The following ATP6V1C1 variants were observed in gnomAD, a reference collection of about 807,000 sequenced individuals.
ATP6V1C1 encodes the protein ATPase H+ transporting V1 subunit C1, also known as V-type proton ATPase subunit C 1.
ATP6V1C1 carries 45 observed loss-of-function variants against 53.9 expected under a neutral mutation model. That is an observed-to-expected ratio of 0.83 (90% confidence interval 0.66 to 1.07). The LOEUF is 1.07. Ranked by LOEUF, ATP6V1C1 falls within the 50% of genes least tolerant of loss-of-function variation. The pLI, the probability that ATP6V1C1 is intolerant of heterozygous loss-of-function variation, is 0.00. For synonymous variants in ATP6V1C1, 153 were observed against 155.2 expected, an observed-to-expected ratio of 0.99 and a Z score of 0.11; for missense variants, 315 against 440.3, an observed-to-expected ratio of 0.72 and a Z score of 2.55.
chr8:103,046,622 A>T (rs1180160114), intron 3 of ATP6V1C1, among the ~76,000 whole-genome samples: 2 of 152,148 alleles, frequency 1.3e-5, no homozygotes, highest in Admixed American at 6.5e-5. Context: ...TCTTTTCTTC[A>T]TTGTTCGGCA....
In ATP6V1C1 at chr8:103,063,236, T is replaced by G; in HGVS notation, c.828+8T>G. On this transcript the variant is annotated splice_region_variant and intron_variant, in intron 10 of 12. Transcript: ENST00000518738. Reference sequence around the variant, plus strand: ...GATAAGAAAAAACAATTTGTATGTGTTTTTAATATTTAGTATTATCAGTAC... The same window carrying G: ...GATAAGAAAAAACAATTTGTATGTGGTTTTAATATTTAGTATTATCAGTAC... 3 of 1,547,780 alleles carry G rather than the reference T, an allele frequency of 1.9e-6. No individual in the cohort carries two copies. The highest frequency in any genetic ancestry group is 2.7e-6 in the Non-Finnish European group (3 of 1,126,978).
At chr8:103,025,544 T>TTTACATTACTGTAAAACTCCTTTACA (rs1381501809) in intron 1 of ATP6V1C1, among the ~76,000 whole-genome samples, 1 of 152,272 alleles carries the variant, frequency 6.6e-6, no homozygotes, top group Non-Finnish European at 1.5e-5. Flanking sequence ...ATGTAACTCC[T>TTTACATTACTGTAAAACTCCTTTACA]TTAGTGTAAA....
At chr8:103,035,977 G>A (rs1042988173) in intron 1 of ATP6V1C1, among the ~76,000 whole-genome samples, 1 of 152,178 alleles carries the variant, frequency 6.6e-6, no homozygotes, top group Non-Finnish European at 1.5e-5. Flanking sequence ...GATCCTGGAC[G>A]AAGGGAACAA....
At position 103,066,289 on chromosome 8, in the gene ATP6V1C1, T is replaced by G. The variant is rs1817488483; in HGVS notation, c.927-32T>G. ...GAAAATCTCTTTACATGTTTGCTTG[T>G]ATTGCGTACTGTATTTCTGCTTTTT... On this transcript the variant is annotated intron_variant, in intron 11 of 12. Transcript: ENST00000518738. The G allele has an allele frequency of 1.9e-6, 3 of 1,584,566 alleles. No individual in the cohort carries two copies. The African/African-American group carries it at 4.1e-5, about 22-fold the overall frequency.
At chr8:103,028,630 G>A (rs150355688) in intron 1 of ATP6V1C1, among the ~76,000 whole-genome samples, 1 of 152,112 alleles carries the variant, frequency 6.6e-6, no homozygotes, top group Non-Finnish European at 1.5e-5. Context: ...AGAGGATCCT[G>A]GATATTGTAA....
intron 1 of ATP6V1C1, among the ~76,000 whole-genome samples, chr8:103,022,036 A>G (rs914070781): frequency 1.3e-5 from 2 of 152,204 alleles, no homozygotes; most frequent in Non-Finnish European, 2.9e-5. Flanking sequence ...AGTTAGCACT[A>G]ACGTTGGAGA....
Position 103,048,942 on chromosome 8 carries a change from G to T in ATP6V1C1, c.273G>T (p.Leu91=), listed in dbSNP as rs750429466. Residue 91 remains leucine (L), a synonymous_variant, in exon 4 of 13, where the codon CTG becomes CTT. Transcript: ENST00000518738. ...GCAAAGACAAAGTTCAAGAGAATCT[G>T]TTGGCTAATGGAGGTAAGCTAATGC... ...EDSKDKVQEN[L]LANGVDLVTY... 3.7e-6 allele frequency: 6 copies of T among 1,612,876 alleles called. No homozygotes were observed. In the Admixed American group the frequency reaches 8.3e-5, roughly 22 times the overall value.
rs1479902202 is a variant in ATP6V1C1 at position 103,069,891 on chromosome 8, T to C, written c.*1144T>C. 6.6e-6 allele frequency: 1 copy of C among 152,188 alleles called. No homozygotes were observed. The highest frequency in any genetic ancestry group is 1.9e-4 in the East Asian group (1 of 5,206). 9.4% of individuals were successfully genotyped at this position (152,188 alleles called of 1,614,324 possible). The stretch of plus-strand genomic sequence containing the variant: ...TTTTGTTTCAAAATATTATATTATT[T>C]CATAAATAATTTCAAGCAAATACAG... On this transcript the variant is annotated 3_prime_UTR_variant, in exon 13 of 13. Coordinates refer to ENST00000518738, the MANE Select transcript of ATP6V1C1 (RefSeq NM_001695.5).
intron 3 of ATP6V1C1, among the ~76,000 whole-genome samples, chr8:103,047,014 C>T (rs1206755236): frequency 6.6e-6 from 1 of 152,124 alleles, no homozygotes; most frequent in African/African-American, 2.4e-5. Context: ...GTTCTGTTTA[C>T]AAGATGCTTG....
intron 3 of ATP6V1C1, among the ~76,000 whole-genome samples, chr8:103,047,949 G>A (rs1817134248): frequency 6.6e-6 from 1 of 152,140 alleles, no homozygotes; most frequent in Non-Finnish European, 1.5e-5. Flanking sequence ...TTTGTATTTA[G>A]TAATTTATAT....
rs1351327588 is a variant in ATP6V1C1 at position 103,053,146 on chromosome 8, C to A, written c.473+324C>A. On this transcript the variant is annotated intron_variant, in intron 6 of 12. Coordinates refer to ENST00000518738, the MANE Select transcript of ATP6V1C1 (RefSeq NM_001695.5). The stretch of plus-strand genomic sequence containing the variant: ...TTTAAATGAAATCATAGTTTAACTG[C>A]ATAGTAATTACCTATCACTTAACTA... Among the ~76,000 whole-genome samples, 3 of 151,940 alleles carry A rather than the reference C, an allele frequency of 2.0e-5. No individual in the cohort carries two copies. The East Asian group carries it at 5.8e-4, about 29-fold the overall frequency.
intron 3 of ATP6V1C1, among the ~76,000 whole-genome samples, chr8:103,046,511 C>T (rs1443052880): frequency 6.6e-6 from 1 of 152,118 alleles, no homozygotes; most frequent in African/African-American, 2.4e-5. Flanking sequence ...TGTGCCTAGC[C>T]AGCTCAGATT....
In ATP6V1C1 at chr8:103,068,827, T is replaced by C; in HGVS notation, c.*80T>C. On this transcript the variant is annotated 3_prime_UTR_variant, in exon 13 of 13. Transcript: ENST00000518738. ...ATAAGTTGCAGTATGGTCGTACTTT[T>C]AACTCTAGTATCCTTTGCTTGCTTC... 6 of 1,228,282 alleles carry C rather than the reference T, an allele frequency of 4.9e-6. No individual in the cohort carries two copies. Among genetic ancestry groups the C allele is most frequent in the Non-Finnish European group, 5.8e-6 (5 of 866,228 alleles). 76.1% of individuals were successfully genotyped at this position (1,228,282 alleles called of 1,614,324 possible). A position where few individuals can be genotyped will look rare whatever the true frequency, so the allele number is the denominator to read the frequency against.
At chr8:103,060,983 A>T (rs991220923) in intron 8 of ATP6V1C1, among the ~76,000 whole-genome samples, 2 of 152,252 alleles carry the variant, frequency 1.3e-5, no homozygotes, top group African/African-American at 4.8e-5. Context: ...TGATAACAGT[A>T]AAACATTATT....
At chr8:103,038,656 C>T (rs780426566) in intron 1 of ATP6V1C1, among the ~76,000 whole-genome samples, 1 of 151,956 alleles carries the variant, frequency 6.6e-6, no homozygotes, top group Non-Finnish European at 1.5e-5. Context: ...TAATGGAATA[C>T]CATATATCAA....
chr8:103,062,161 GTTTTTTTTTTTTTT>G (rs767825523), intron 8 of ATP6V1C1, among the ~76,000 whole-genome samples: 13 of 70,786 alleles, frequency 1.8e-4, no homozygotes, highest in East Asian at 8.9e-4. Flanking sequence ...GTTCATCAGG[GTTTTTTTTTTTTTT>G]TTTTTTTTTT....
chr8:103,035,851 G>A (rs1311589131), intron 1 of ATP6V1C1, among the ~76,000 whole-genome samples: 3 of 152,172 alleles, frequency 2.0e-5, no homozygotes, highest in South Asian at 2.1e-4. Context: ...TAGTCTCAAA[G>A]TATACTTTGA....
At chr8:103,030,159 A>AACT (rs1445751926) in intron 1 of ATP6V1C1, among the ~76,000 whole-genome samples, 1 of 150,516 alleles carries the variant, frequency 6.6e-6, no homozygotes, top group Non-Finnish European at 1.5e-5. Flanking sequence ...TTTTTTTTTT[A>AACT]AACAAAAATG....
At chr8:103,040,340 G>C (rs1173990408) in intron 1 of ATP6V1C1, among the ~76,000 whole-genome samples, 1 of 151,906 alleles carries the variant, frequency 6.6e-6, no homozygotes, top group Non-Finnish European at 1.5e-5. Flanking sequence ...CTTGAACCTG[G>C]GAGGCGGAGG....
Sources: allele counts gnomAD v4.1 joint callset (sites outside exome capture counted in the v4.1 genomes callset), GRCh38; gene constraint gnomAD v4.1.1; transcripts MANE v1.5; gene names NCBI Gene and HGNC (gene_info 2026-07-23, HGNC 2026-07-21).